DMD: variants seen among roughly 807,000 people sequenced by gnomAD.
DMD encodes the protein mutant dystrophin.
Under a neutral mutation model 330.1 loss-of-function variants are expected in DMD, and 63 were observed. The ratio of observed to expected loss-of-function variants is 0.19; its 90% CI spans 0.16 to 0.24. DMD has a LOEUF of 0.24. Among genes scored for constraint, DMD ranks in the 10% least tolerant of loss-of-function variants. DMD has a pLI of 1.00. For missense variants in DMD, 3,344 were observed against 2,684.1 expected, an observed-to-expected ratio of 1.25 and a Z score of -5.43; for synonymous variants, 1,223 against 959.8, an observed-to-expected ratio of 1.27 and a Z score of -5.07.
chrX:32,248,076 T>C (rs1000108406), intron 43 of DMD, among the ~76,000 whole-genome samples: 1 of 111,751 alleles, frequency 8.9e-6, no homozygotes, highest in African/African-American at 3.2e-5. Context: ...TACTAATTAT[T>C]TGAGCTGTTT....
chrX:31,683,063 G>A (rs1292306881), intron 52 of DMD, among the ~76,000 whole-genome samples: 3 of 112,276 alleles, frequency 2.7e-5, no homozygotes, highest in Admixed American at 1.9e-4. Context: ...TGTGTGTTAT[G>A]TAGCAAGTTA....
chrX:32,052,262 T>C (rs1023314519), intron 44 of DMD, among the ~76,000 whole-genome samples: 8 of 100,202 alleles, frequency 8.0e-5, no homozygotes, highest in Middle Eastern at 9.5e-3. Context: ...CCAAGGTCCA[T>C]AATTTTTTTT....
chrX:32,637,980 G>T (rs1416177527), intron 11 of DMD, among the ~76,000 whole-genome samples: 1 of 112,036 alleles, frequency 8.9e-6, no homozygotes, highest in Non-Finnish European at 1.9e-5. Context: ...TAGCTTTCCT[G>T]TAATTTAAAC....
chrX:32,163,286 G>A (rs983898981), intron 44 of DMD, among the ~76,000 whole-genome samples: 3 of 111,885 alleles, frequency 2.7e-5, no homozygotes, highest in African/African-American at 9.7e-5. Flanking sequence ...TCCTGGTTTA[G>A]AATCACCATT....
chrX:32,320,357 T>C (rs1354680522), intron 41 of DMD, among the ~76,000 whole-genome samples: 1 of 111,778 alleles, frequency 8.9e-6, no homozygotes, highest in Non-Finnish European at 1.9e-5. Context: ...ATAATTACAC[T>C]ATCCCGTATG....
At chrX:32,827,658 C>T (rs950342973) in intron 4 of DMD, among the ~76,000 whole-genome samples, 2 of 71,492 alleles carry the variant, frequency 2.8e-5, no homozygotes, top group Non-Finnish European at 4.8e-5. Context: ...TTATTAACTC[C>T]CCTTTTTTTT....
chrX:31,136,775 T>C (rs1249317058), intron 76 of DMD, among the ~76,000 whole-genome samples: 2 of 112,100 alleles, frequency 1.8e-5, no homozygotes, highest in Admixed American at 9.4e-5. Context: ...GCCAAGTTTA[T>C]TTTTCCAGAT....
chrX:32,718,575 T>G (rs766179759), intron 7 of DMD, among the ~76,000 whole-genome samples: 3 of 112,170 alleles, frequency 2.7e-5, no homozygotes, highest in East Asian at 5.6e-4. Flanking sequence ...ATTCCCAGAT[T>G]AGTAAGAACC....
At chrX:32,567,199 T>C (rs2051827388) in intron 15 of DMD, among the ~76,000 whole-genome samples, 1 of 111,998 alleles carries the variant, frequency 8.9e-6, no homozygotes, top group Non-Finnish European at 1.9e-5. Context: ...TGGAGTATGT[T>C]ATAGTTCAGT....
chrX:33,210,051 G>T (rs895360949), intron 1 of DMD, among the ~76,000 whole-genome samples: 2 of 110,317 alleles, frequency 1.8e-5, no homozygotes, highest in Non-Finnish European at 3.8e-5. Flanking sequence ...TGTAATGATA[G>T]TAAATATAAT....
chrX:32,097,974 G>A (rs1346992567), intron 44 of DMD, among the ~76,000 whole-genome samples: 7 of 110,784 alleles, frequency 6.3e-5, no homozygotes, highest in Admixed American at 2.9e-4. Flanking sequence ...CAATGCTAGC[G>A]AGTTTGGGGC....
chrX:31,784,261 G>A lies in DMD; in HGVS notation c.7310-10069C>T, dbSNP rs889454010. Among the ~76,000 whole-genome samples, 10 of 111,526 alleles carry A rather than the reference G, an allele frequency of 9.0e-5. No individual in the cohort carries two copies. In the East Asian group the frequency reaches 1.7e-3, roughly 19 times the overall value. Reference sequence around the variant, plus strand: ...AACATACTCAACATCGTCAATCATCGGGGAAATGCAAATGAAGAACGAAAA... The same window carrying A: ...AACATACTCAACATCGTCAATCATCAGGGAAATGCAAATGAAGAACGAAAA... On this transcript the variant is annotated intron_variant, in intron 50 of 78. Transcript: ENST00000357033.
chrX:31,209,471 C>T (rs72466554), intron 65 of DMD, 27 bp downstream of exon 65: 44 of 1,199,540 alleles, frequency 3.7e-5, no homozygotes, highest in Non-Finnish European at 4.5e-5. Context: ...TGACAGAGCC[C>T]GGGAAATAAA....
At chrX:32,538,910 T>C (rs906314548) in intron 17 of DMD, among the ~76,000 whole-genome samples, 1 of 110,026 alleles carries the variant, frequency 9.1e-6, no homozygotes, top group African/African-American at 3.3e-5. Flanking sequence ...GTGTTTCTGA[T>C]TCAGCAGGTT....
In DMD at chrX:32,417,847, A is replaced by G. The variant is rs147778946; in HGVS notation, c.4072-5934T>C. ...TACACACACACACACACACACACAA[A>G]TCATAAACTCAAAGCTACAAATAGC... is the stretch of plus-strand genomic sequence containing the variant. On this transcript the variant is annotated intron_variant, in intron 29 of 78. Coordinates refer to ENST00000357033, the MANE Select transcript of DMD (RefSeq NM_004006.3). Among the ~76,000 whole-genome samples the G allele has an allele frequency of 6.4e-3, 708 of 110,565 alleles. 5 individuals carry two copies. The highest frequency in any genetic ancestry group is 0.022 in the African/African-American group (672 of 30,266).
chrX:31,979,622 A>G (rs1310172680), intron 44 of DMD, among the ~76,000 whole-genome samples: 1 of 76,310 alleles, frequency 1.3e-5, no homozygotes, highest in East Asian at 5.0e-4. Flanking sequence ...CTAGGGGTCT[A>G]GCAAAAAAAA....
At chrX:31,160,200 T>C (rs2038644775) in intron 74 of DMD, among the ~76,000 whole-genome samples, 1 of 111,383 alleles carries the variant, frequency 9.0e-6, no homozygotes, top group Non-Finnish European at 1.9e-5. Context: ...TTTTTCTTGG[T>C]GGTTTGGGTG....
At chrX:31,680,997 G>T (rs1187583339) in intron 52 of DMD, among the ~76,000 whole-genome samples, 1 of 110,589 alleles carries the variant, frequency 9.0e-6, no homozygotes, top group Non-Finnish European at 1.9e-5. Context: ...CATATAATTA[G>T]TTACAAATTT....
chrX:31,369,940 A>G (rs1602227931), intron 60 of DMD, among the ~76,000 whole-genome samples: 3 of 110,402 alleles, frequency 2.7e-5, no homozygotes, highest in African/African-American at 9.9e-5. Flanking sequence ...TCTACTAAAA[A>G]TACAAAAAAT....
Sources: allele counts gnomAD v4.1 joint callset (sites outside exome capture counted in the v4.1 genomes callset), GRCh38; gene constraint gnomAD v4.1.1; transcripts MANE v1.5; gene names NCBI Gene and HGNC (gene_info 2026-07-23, HGNC 2026-07-21).